PLEKHG1: variants seen among roughly 807,000 people sequenced by gnomAD.
PLEKHG1 encodes the protein pleckstrin homology and RhoGEF domain containing G1.
A neutral mutation model predicts 100.8 loss-of-function variants in PLEKHG1; 44 were observed. The ratio of observed to expected loss-of-function variants is 0.44; its 90% CI spans 0.34 to 0.56. The LOEUF is 0.56. Ranked by LOEUF, PLEKHG1 falls within the 20% of genes least tolerant of loss-of-function variation. The pLI is 0.01. For missense variants in PLEKHG1, 1,545 were observed against 1,720.9 expected, an observed-to-expected ratio of 0.90 and a Z score of 1.81; for synonymous variants, 640 against 662.5, an observed-to-expected ratio of 0.97 and a Z score of 0.52.
chr6:150,816,132 C>T (rs1288021582), intron 10 of PLEKHG1, among the ~76,000 whole-genome samples: 4 of 152,032 alleles, frequency 2.6e-5, no homozygotes, highest in Middle Eastern at 3.2e-3. Context: ...TGGGAGACAG[C>T]GACACCCCAA....
intron 4 of PLEKHG1, among the ~76,000 whole-genome samples, chr6:150,791,676 GA>G (rs34212457): frequency 0.059 from 6,090 of 103,822 alleles, 356 homozygotes; most frequent in African/African-American, 0.19. Flanking sequence ...TCTCAAAAAA[GA>G]AAAAAAAAAA....
chr6:150,634,103 G>A (rs944864498), intron 1 of PLEKHG1, among the ~76,000 whole-genome samples: 1 of 151,878 alleles, frequency 6.6e-6, no homozygotes, highest in Non-Finnish European at 1.5e-5. Flanking sequence ...AAAAATCCGG[G>A]CGTGGTGGCA....
chr6:150,644,334 GT>G (rs57840463), intron 2 of PLEKHG1, among the ~76,000 whole-genome samples: 1,463 of 117,588 alleles, frequency 0.012, 59 homozygotes, highest in East Asian at 0.086. Flanking sequence ...TTCTTTTCGT[GT>G]TTTTTTTTTT....
chr6:150,813,550 C>T (rs1169571826), intron 10 of PLEKHG1, among the ~76,000 whole-genome samples: 1 of 151,960 alleles, frequency 6.6e-6, no homozygotes, highest in African/African-American at 2.4e-5. Context: ...CCAGTGAGCA[C>T]GCAGTTGCAG....
intron 3 of PLEKHG1, among the ~76,000 whole-genome samples, chr6:150,704,294 C>G (rs1780918661): frequency 6.6e-6 from 1 of 152,218 alleles, no homozygotes; most frequent in Non-Finnish European, 1.5e-5. Flanking sequence ...GCATTTCACA[C>G]AGGTCTCAAG....
At chr6:150,722,598 C>G (rs545638047) in intron 1 of PLEKHG1, among the ~76,000 whole-genome samples, 1 of 152,086 alleles carries the variant, frequency 6.6e-6, no homozygotes, top group African/African-American at 2.4e-5. Context: ...GTGATCCGCC[C>G]GCCTTGGGCT....
intron 3 of PLEKHG1, among the ~76,000 whole-genome samples, chr6:150,781,073 C>A (rs1785284055): frequency 1.3e-5 from 2 of 151,652 alleles, no homozygotes; most frequent in Non-Finnish European, 2.9e-5. Flanking sequence ...AGGGGTGTCA[C>A]CCTGTTGGTC....
At chr6:150,840,495 A>G (rs980293823) in exon 16 of PLEKHG1, 2 of 1,614,094 alleles carry the variant, frequency 1.2e-6, no homozygotes, top group African/African-American at 2.7e-5. Flanking sequence ...GGTGGTCAAT[A>G]GAAATTTACC....
chr6:150,714,313 A>T (rs975859238), intron 3 of PLEKHG1, among the ~76,000 whole-genome samples: 1 of 152,226 alleles, frequency 6.6e-6, no homozygotes, highest in East Asian at 1.9e-4. Flanking sequence ...TGTCTCTGGG[A>T]AATAAAAACC....
At chr6:150,800,761 G>C in exon 6 of PLEKHG1, 1 of 1,613,898 alleles carries the variant, frequency 6.2e-7, no homozygotes, top group African/African-American at 1.3e-5. Flanking sequence ...ACAAGATACT[G>C]GCCAAATTCT....
In PLEKHG1 at chr6:150,831,513, A is replaced by G. The variant is rs1562563183; in HGVS notation, c.2402A>G (p.Gln801Arg). Residue 801 changes from glutamine to arginine, a missense_variant, in exon 15 of 16, where the codon CAG becomes CGG. Physicochemically the swap from Gln to Arg is conservative, Grantham distance 43. Transcript: ENST00000358517. The surrounding 1 kb of genome is among the most constrained non-coding windows in gnomAD (Gnocchi z 4.1). ...AGTGAGGACGAAGCCCCTTACCATCAGGCCACTCCCGATCATGGTTATCTG... is the reference window on the plus strand; with the variant it reads ...AGTGAGGACGAAGCCCCTTACCATCGGGCCACTCCCGATCATGGTTATCTG... 1 of 1,614,050 alleles carries G rather than the reference A, an allele frequency of 6.2e-7. No individual in the cohort carries two copies. The highest frequency in any genetic ancestry group is 1.3e-5 in the African/African-American group (1 of 75,020).
chr6:150,651,080 TA>T (rs1778711232), intron 3 of PLEKHG1: 1 of 152,162 alleles, frequency 6.6e-6, no homozygotes, highest in Non-Finnish European at 1.5e-5. Context: ...CAACAACGAA[TA>T]ATAAAATAGA....
Position 150,804,740 on chromosome 6 carries a change from A to T in PLEKHG1, c.911A>T (p.Gln304Leu), listed in dbSNP as rs766390111. The T allele has an allele frequency of 8.1e-6, 13 of 1,611,684 alleles. No individual in the cohort carries two copies. The East Asian group carries it at 2.7e-4, about 33-fold the overall frequency. ...AAACACGAGCACGCGGTCCGGTTAC[A>T]GGTGAGCCCGCGAGGTGTCGGTGCC... is the stretch of plus-strand genomic sequence containing the variant. Residue 304 changes from glutamine (Q) to leucine (L), a missense_variant and splice_region_variant, in exon 7 of 16, where the codon CAG becomes CTG. Physicochemically the swap from Gln to Leu is moderately radical, Grantham distance 113. Transcript: ENST00000358517.
intron 3 of PLEKHG1, among the ~76,000 whole-genome samples, chr6:150,701,466 T>TATATATAAAA (rs1212311635): frequency 2.0e-4 from 17 of 84,200 alleles, no homozygotes; most frequent in African/African-American, 2.0e-3. Flanking sequence ...TATATATATA[T>TATATATAAAA]AATTATACTT....
intron 1 of PLEKHG1, among the ~76,000 whole-genome samples, chr6:150,619,286 C>T (rs1182316992): frequency 6.6e-6 from 1 of 152,120 alleles, no homozygotes; most frequent in Admixed American, 6.5e-5. Flanking sequence ...CTTTAGCACC[C>T]CTGCCTGCGT....
intron 3 of PLEKHG1, among the ~76,000 whole-genome samples, chr6:150,665,255 C>G (rs1779351215): frequency 6.6e-6 from 1 of 152,150 alleles, no homozygotes; most frequent in South Asian, 2.1e-4. Flanking sequence ...CACTCTTCCC[C>G]AAAACACTAC....
At chr6:150,830,837 C>G in exon 15 of PLEKHG1, 2 of 1,614,172 alleles carry the variant, frequency 1.2e-6, no homozygotes, top group Non-Finnish European at 1.7e-6. Flanking sequence ...CTCTACCAGA[C>G]TATGTGAAGA....
intron 3 of PLEKHG1, among the ~76,000 whole-genome samples, chr6:150,698,398 A>C (rs1455080410): frequency 2.6e-5 from 4 of 152,210 alleles, no homozygotes. Flanking sequence ...GAAAGATACC[A>C]ATGTTGATCA....
intron 2 of PLEKHG1, among the ~76,000 whole-genome samples, chr6:150,746,925 G>A (rs920488186): frequency 5.3e-5 from 8 of 152,206 alleles, no homozygotes; most frequent in Admixed American, 5.2e-4. Context: ...AAAAATGCCT[G>A]TAACTGCAAA....
Sources: gnomAD v4.1 joint callset for allele counts (sites outside exome capture counted in the v4.1 genomes callset) on GRCh38, gnomAD v4.1.1 for gene constraint, Gnocchi (gnomAD v3.1) non-coding constraint, MANE v1.5 for transcripts, NCBI Gene and HGNC (gene_info 2026-07-23, HGNC 2026-07-21) for gene names.